LUZP2: variants seen among roughly 807,000 people sequenced by gnomAD.
LUZP2 encodes the protein leucine zipper protein 2.
LUZP2 carries 52 observed loss-of-function variants against 51.6 expected under a neutral mutation model. The ratio of observed to expected loss-of-function variants is 1.01; its 90% CI spans 0.81 to 1.27. The LOEUF is 1.27. Ranked by LOEUF, LUZP2 falls within the 50% of genes most tolerant of loss-of-function variation. The pLI is 0.00. For synonymous variants in LUZP2, 154 were observed against 137.3 expected (o/e 1.12, Z -0.85); for missense variants, 436 against 395.4 (o/e 1.10, Z -0.87).
chr11:24,786,641 TA>T (rs1373247054), intron 5 of LUZP2: 1 of 33,882 alleles, frequency 3.0e-5, no homozygotes, highest in Non-Finnish European at 5.0e-5. Context: ...TTATATATTA[TA>T]TACCACATAG....
chr11:24,757,840 C>T (rs1859832020), intron 4 of LUZP2, among the ~76,000 whole-genome samples: 1 of 151,906 alleles, frequency 6.6e-6, no homozygotes, highest in Non-Finnish European at 1.5e-5. Flanking sequence ...AGTCCTAGGT[C>T]ATATTAATAT....
intron 1 of LUZP2, among the ~76,000 whole-genome samples, chr11:24,677,591 A>G (rs1252433581): frequency 5.9e-5 from 9 of 152,156 alleles, no homozygotes; most frequent in Middle Eastern, 3.2e-3. Flanking sequence ...TTTCCTGACC[A>G]TTCTAGGTAG....
chr11:24,818,730 T>G (rs1375085912), intron 5 of LUZP2, among the ~76,000 whole-genome samples: 1 of 152,082 alleles, frequency 6.6e-6, no homozygotes, highest in African/African-American at 2.4e-5. Context: ...TCTATACAGG[T>G]TCAACTTAAA....
chr11:24,745,009 G>A (rs941954685), intron 4 of LUZP2, among the ~76,000 whole-genome samples: 6 of 152,074 alleles, frequency 3.9e-5, no homozygotes, highest in Non-Finnish European at 7.4e-5. Context: ...CCATGTATTT[G>A]CATGGTTTTG....
chr11:24,881,322 A>T (rs1341772175), intron 5 of LUZP2, among the ~76,000 whole-genome samples: 7 of 152,084 alleles, frequency 4.6e-5, no homozygotes, highest in Non-Finnish European at 1.0e-4. Flanking sequence ...TGCCAAAAAA[A>T]AAAAAAGAGA....
intron 1 of LUZP2, among the ~76,000 whole-genome samples, chr11:24,585,054 G>T (rs1032248800): frequency 6.6e-6 from 1 of 152,166 alleles, no homozygotes; most frequent in African/African-American, 2.4e-5. Flanking sequence ...GGGCCTGGGT[G>T]TGGAGGTTGA....
chr11:24,556,351 C>A (rs1162725258), intron 1 of LUZP2, among the ~76,000 whole-genome samples: 3 of 151,962 alleles, frequency 2.0e-5, no homozygotes, highest in Non-Finnish European at 4.4e-5. Flanking sequence ...ATAAAGGATG[C>A]TAAAATTATT....
Position 24,733,736 on chromosome 11 carries a change from A to AT in LUZP2, c.251+1554dup, listed in dbSNP as rs74343288. Among the ~76,000 whole-genome samples, 524 of 147,596 alleles carry AT rather than the reference A, an allele frequency of 3.6e-3. 3 individuals are homozygous for AT. Among genetic ancestry groups the AT allele is most frequent in the African/African-American group, 0.011 (460 of 40,860 alleles). On this transcript the variant is annotated intron_variant, in intron 3 of 11. Transcript: ENST00000336930. The stretch of plus-strand genomic sequence containing the variant: ...ATGACTATAGTTAATAATAAACTGT[A>AT]TTTTTTAAAAAAAAATTTTAAAAAA...
At chr11:24,839,376 A>AT (rs1850956134) in intron 5 of LUZP2, among the ~76,000 whole-genome samples, 1 of 151,658 alleles carries the variant, frequency 6.6e-6, no homozygotes, top group Admixed American at 6.6e-5. Context: ...TTTTTAAATC[A>AT]TTTTTGTTAG....
intron 7 of LUZP2, among the ~76,000 whole-genome samples, chr11:24,946,044 T>C (rs1854889628): frequency 6.6e-6 from 1 of 152,100 alleles, no homozygotes; most frequent in Non-Finnish European, 1.5e-5. Flanking sequence ...TTTTGGACTT[T>C]TCATATATAA....
intron 5 of LUZP2, among the ~76,000 whole-genome samples, chr11:24,839,729 C>T (rs535925866): frequency 6.6e-6 from 1 of 151,740 alleles, no homozygotes; most frequent in Admixed American, 6.6e-5. Context: ...AGATACAGAA[C>T]ACTCTCGGGG....
At chr11:24,531,894 C>A (rs10767205) in intron 1 of LUZP2, among the ~76,000 whole-genome samples, 19,215 of 150,642 alleles carry the variant, frequency 0.13, 1,583 homozygotes, top group African/African-American at 0.22. Flanking sequence ...ATATTTAATC[C>A]GTAAGTAAAT....
chr11:24,627,208 A>C (rs542251150), intron 1 of LUZP2, among the ~76,000 whole-genome samples: 1 of 152,334 alleles, frequency 6.6e-6, no homozygotes, highest in Admixed American at 6.5e-5. Flanking sequence ...CTTTGGAATT[A>C]ATATTTAATA....
intron 7 of LUZP2, among the ~76,000 whole-genome samples, chr11:24,920,967 A>T (rs1368789430): frequency 2.0e-5 from 3 of 152,160 alleles, no homozygotes; most frequent in Non-Finnish European, 2.9e-5. Context: ...AAATATTTTT[A>T]AAAACACATA....
At chr11:24,702,209 T>G (rs777890329) in intron 1 of LUZP2, among the ~76,000 whole-genome samples, 3 of 152,194 alleles carry the variant, frequency 2.0e-5, no homozygotes, top group Non-Finnish European at 4.4e-5. Context: ...AAGTAAAGTT[T>G]GACTCCAAAT....
chr11:24,903,242 G>A (rs1853333869), intron 5 of LUZP2, among the ~76,000 whole-genome samples: 2 of 152,002 alleles, frequency 1.3e-5, no homozygotes, highest in African/African-American at 4.8e-5. Flanking sequence ...TTTAAAAAAA[G>A]AACCCTAATA....
intron 9 of LUZP2, among the ~76,000 whole-genome samples, chr11:25,036,914 G>A (rs1465240455): frequency 2.0e-5 from 3 of 152,062 alleles, no homozygotes; most frequent in African/African-American, 7.2e-5. Flanking sequence ...GTATTCACAT[G>A]AGGATGTATA....
intron 7 of LUZP2, among the ~76,000 whole-genome samples, chr11:24,951,305 T>C (rs1855072602): frequency 6.6e-6 from 1 of 151,560 alleles, no homozygotes; most frequent in Non-Finnish European, 1.5e-5. Context: ...TTACTGCAGA[T>C]AATACACTCA....
At chr11:24,877,709 G>A (rs150882324) in intron 5 of LUZP2, among the ~76,000 whole-genome samples, 449 of 151,930 alleles carry the variant, frequency 3.0e-3, no homozygotes, top group South Asian at 7.7e-3. Context: ...CTATATTTTT[G>A]TACTCATTAA....
Sources: allele counts gnomAD v4.1 joint callset (sites outside exome capture counted in the v4.1 genomes callset), GRCh38; gene constraint gnomAD v4.1.1; transcripts MANE v1.5; gene names NCBI Gene and HGNC (gene_info 2026-07-23, HGNC 2026-07-21).